LARGE1: variants seen among roughly 807,000 people sequenced by gnomAD.
LARGE1 encodes the protein xylosyl- and glucuronyltransferase LARGE1.
In LARGE1, 43 loss-of-function variants were observed where a neutral mutation model predicts 87.6. The observed-to-expected ratio is 0.49, with a 90% CI of 0.38 to 0.63. The LOEUF is 0.63. Ranked by LOEUF, LARGE1 falls within the 30% of genes least tolerant of loss-of-function variation. The pLI, the probability that LARGE1 is intolerant of heterozygous loss-of-function variation, is 0.00. For missense variants in LARGE1, 802 were observed against 1,000.2 expected, an observed-to-expected ratio of 0.80 and a Z score of 2.67; for synonymous variants, 434 against 394.6, an observed-to-expected ratio of 1.10 and a Z score of -1.18.
rs187844423 is a variant in LARGE1 at position 33,780,837 on chromosome 22, C to T, written c.-82-19279G>A. Among the ~76,000 whole-genome samples the T allele has an allele frequency of 2.0e-3, 306 of 152,282 alleles. 1 individual carries two copies. The highest frequency in any genetic ancestry group is 3.4e-3 in the Non-Finnish European group (228 of 68,022). ...AAGTTACAGAGTAAGTCTCAGGCACCCCGGCCTCAATACAAAATCAAATTG... is the reference window on the plus strand; with the variant it reads ...AAGTTACAGAGTAAGTCTCAGGCACTCCGGCCTCAATACAAAATCAAATTG... On this transcript the variant is annotated intron_variant, in intron 1 of 14. Transcript: ENST00000397394.
At chr22:33,607,173 C>T (rs2079288249) in intron 4 of LARGE1, among the ~76,000 whole-genome samples, 1 of 152,002 alleles carries the variant, frequency 6.6e-6, no homozygotes, top group Non-Finnish European at 1.5e-5. Flanking sequence ...CCGATTAAGA[C>T]AGTGTTGGCC....
At chr22:33,500,618 C>A (rs184617102) in intron 6 of LARGE1, among the ~76,000 whole-genome samples, 256 of 152,308 alleles carry the variant, frequency 1.7e-3, no homozygotes, top group Non-Finnish European at 2.8e-3. Context: ...CAGAATCACT[C>A]TTTGGTGACT....
At chr22:33,142,336 C>T in the LARGE1 span, among the ~76,000 whole-genome samples, 1 of 152,110 alleles carries the variant, frequency 6.6e-6, no homozygotes, top group Non-Finnish European at 1.5e-5. Flanking sequence ...CCCTTGTTGG[C>T]TCTCGCATTC....
intron 4 of LARGE1, among the ~76,000 whole-genome samples, chr22:33,623,263 C>T (rs2079812660): frequency 6.6e-6 from 1 of 151,842 alleles, no homozygotes; most frequent in Non-Finnish European, 1.5e-5. Flanking sequence ...TGGTTTTAAG[C>T]CACAGGATGA....
At chr22:33,762,057 A>G in intron 1 of LARGE1, among the ~76,000 whole-genome samples, 1 of 151,980 alleles carries the variant, frequency 6.6e-6, no homozygotes, top group African/African-American at 2.4e-5. Flanking sequence ...CTGTACTAAA[A>G]GCACAAAAAT....
At chr22:33,841,807 G>A (rs2063288819) in intron 1 of LARGE1, among the ~76,000 whole-genome samples, 1 of 152,210 alleles carries the variant, frequency 6.6e-6, no homozygotes, top group Admixed American at 6.5e-5. Context: ...AGAAAGCCAA[G>A]AGATCCTCAG....
At chr22:33,778,614 A>G (rs910614106) in intron 1 of LARGE1, among the ~76,000 whole-genome samples, 11 of 151,666 alleles carry the variant, frequency 7.3e-5, no homozygotes, top group Non-Finnish European at 1.5e-5. Context: ...AGCACCATGT[A>G]CCCAAGGTTT....
intron 12 of LARGE1, among the ~76,000 whole-genome samples, chr22:33,289,722 T>G (rs1932188471): frequency 6.6e-6 from 1 of 152,094 alleles, no homozygotes; most frequent in African/African-American, 2.4e-5. Context: ...ACAAAAACAA[T>G]TCAGGTGTTG....
intron 7 of LARGE1, among the ~76,000 whole-genome samples, chr22:33,388,384 T>C (rs1025501037): frequency 6.6e-6 from 1 of 152,222 alleles, no homozygotes; most frequent in African/African-American, 2.4e-5. Flanking sequence ...AACTACTCCA[T>C]CTTCCATTTC....
intron 2 of LARGE1, among the ~76,000 whole-genome samples, chr22:33,719,500 T>TTTA (rs2083017098): frequency 6.9e-6 from 1 of 143,896 alleles, no homozygotes; most frequent in Non-Finnish European, 1.5e-5. Context: ...CTATACCATA[T>TTTA]TTATTTATTT....
intron 11 of LARGE1, among the ~76,000 whole-genome samples, chr22:33,190,884 T>C (rs911235561): frequency 1.3e-5 from 2 of 152,226 alleles, no homozygotes; most frequent in East Asian, 3.8e-4. Context: ...TTAAGCATCT[T>C]GTATCCTGGG....
In LARGE1 at chr22:33,830,717, T is replaced by C. The variant is rs527952517; in HGVS notation, c.-82-69159A>G. Among the ~76,000 whole-genome samples, 5 of 152,302 alleles carry C rather than the reference T, an allele frequency of 3.3e-5. No individual in the cohort carries two copies. The East Asian group carries it at 9.7e-4, about 29-fold the overall frequency. On this transcript the variant is annotated intron_variant, in intron 1 of 14. Coordinates refer to ENST00000397394, the MANE Select transcript of LARGE1 (RefSeq NM_133642.5). ...GCCCACTCAGGCTACTTTAACTGAA[T>C]ACCATAGACTGGGTGGCTTATAAAC...
chr22:33,346,257 T>TTC (rs66972397), intron 9 of LARGE1, among the ~76,000 whole-genome samples: 8 of 149,768 alleles, frequency 5.3e-5, no homozygotes, highest in South Asian at 2.1e-4. Context: ...CCTTCCTCTC[T>TTC]TCTCTCTCTC....
intron 1 of LARGE1, among the ~76,000 whole-genome samples, chr22:33,784,776 T>C (rs983386320): frequency 6.6e-6 from 1 of 151,914 alleles, no homozygotes; most frequent in African/African-American, 2.4e-5. Flanking sequence ...ATTCATACAG[T>C]ATGTATACCA....
At chr22:33,142,645 C>T in the LARGE1 span, among the ~76,000 whole-genome samples, 1 of 137,446 alleles carries the variant, frequency 7.3e-6, no homozygotes, top group Admixed American at 7.3e-5. Context: ...ATTCAGTGGA[C>T]AGTTTTGAAT....
chr22:33,249,157 C>T (rs755482881), intron 11 of LARGE1, among the ~76,000 whole-genome samples: 3 of 152,160 alleles, frequency 2.0e-5, no homozygotes, highest in Non-Finnish European at 2.9e-5. Flanking sequence ...AGTAGCTGTA[C>T]CGTTTTGCAT....
chr22:33,598,038 A>G (rs925915218), intron 5 of LARGE1, among the ~76,000 whole-genome samples: 30 of 152,162 alleles, frequency 2.0e-4, no homozygotes, highest in African/African-American at 7.0e-4. Context: ...GCCATGCTTA[A>G]TATACTGGTT....
intron 1 of LARGE1, among the ~76,000 whole-genome samples, chr22:33,848,396 C>CA (rs1243753407): frequency 7.1e-6 from 1 of 140,896 alleles, no homozygotes; most frequent in African/African-American, 2.6e-5. Flanking sequence ...AAAGGGCAGG[C>CA]ACTGAGAGTC....
chr22:33,639,818 C>T (rs1365264669), intron 3 of LARGE1, among the ~76,000 whole-genome samples: 2 of 152,208 alleles, frequency 1.3e-5, no homozygotes, highest in South Asian at 2.1e-4. Context: ...CTGAGGCACA[C>T]AGAGGCCAGG....
Sources: gnomAD v4.1 joint callset for allele counts (sites outside exome capture counted in the v4.1 genomes callset) on GRCh38, gnomAD v4.1.1 for gene constraint, MANE v1.5 for transcripts, NCBI Gene and HGNC (gene_info 2026-07-23, HGNC 2026-07-21) for gene names.